The following ANKRD28 variants were observed in gnomAD, a reference collection of about 807,000 sequenced individuals.
ANKRD28 encodes serine/threonine-protein phosphatase 6 regulatory ankyrin repeat subunit A.
ANKRD28 carries 44 observed loss-of-function variants against 126.5 expected under a neutral mutation model. The ratio of observed to expected loss-of-function variants is 0.35; its 90% CI spans 0.27 to 0.45. ANKRD28 has a LOEUF of 0.45. Among genes scored for constraint, ANKRD28 ranks in the 20% least tolerant of loss-of-function variants. ANKRD28 has a pLI of 1.00. For missense variants in ANKRD28, 1,110 were observed against 1,316.6 expected (o/e 0.84, Z 2.43); for synonymous variants, 442 against 468.5 (o/e 0.94, Z 0.73).
chr3:15,781,196 C>A (rs1409508676), intron 2 of ANKRD28, among the ~76,000 whole-genome samples: 1 of 151,774 alleles, frequency 6.6e-6, no homozygotes, highest in Non-Finnish European at 1.5e-5. Flanking sequence ...AAGAAAACAA[C>A]CTGATTAAAA....
intron 1 of ANKRD28, among the ~76,000 whole-genome samples, chr3:15,813,101 G>A (rs11920540): frequency 0.47 from 70,044 of 149,908 alleles, 19,241 homozygotes; most frequent in Non-Finnish European, 0.6. Flanking sequence ...CAATGGCTCA[G>A]GCCTGTAATC....
intron 1 of ANKRD28, among the ~76,000 whole-genome samples, chr3:15,824,865 CAGG>C (rs2061024870): frequency 6.6e-6 from 1 of 152,180 alleles, no homozygotes; most frequent in African/African-American, 2.4e-5. Flanking sequence ...GACCAGGATG[CAGG>C]AGGACAGACT....
intron 27 of ANKRD28, among the ~76,000 whole-genome samples, chr3:15,674,836 C>G (rs2066768580): frequency 6.6e-6 from 1 of 152,048 alleles, no homozygotes; most frequent in Admixed American, 6.5e-5. Context: ...ATCAGTTGTG[C>G]CAAAAGCTGA....
intron 5 of ANKRD28, among the ~76,000 whole-genome samples, chr3:15,735,965 A>C (rs931202873): frequency 6.6e-6 from 1 of 152,212 alleles, no homozygotes; most frequent in African/African-American, 2.4e-5. Context: ...TAATAATTGC[A>C]ACTAACCATA....
rs1325319943 is a variant in ANKRD28, at chr3:15,843,106, G to A, written c.27+16271C>T. Reference sequence around the variant, plus strand: ...CTATACAGGAATCATAGTGGTATCTGCTTCCAGGGAGGCCTCAAGAAGCTT... The same window carrying A: ...CTATACAGGAATCATAGTGGTATCTACTTCCAGGGAGGCCTCAAGAAGCTT... On this transcript the variant is annotated intron_variant, in intron 1 of 27. Transcript: ENST00000399451. The surrounding 1 kb of genome is among the most constrained non-coding windows in gnomAD (Gnocchi z 5.2). Among the ~76,000 whole-genome samples the A allele has an allele frequency of 6.6e-6, 1 of 152,186 alleles. No homozygotes were observed. Among genetic ancestry groups the A allele is most frequent in the Non-Finnish European group, 1.5e-5 (1 of 68,038 alleles).
At position 15,814,503 on chromosome 3, in the gene ANKRD28, C is replaced by T. The variant is rs2060792671; in HGVS notation, c.28-19197G>A. Among the ~76,000 whole-genome samples the T allele has an allele frequency of 6.6e-6, 1 of 152,034 alleles. No homozygotes were observed. Among genetic ancestry groups the T allele is most frequent in the African/African-American group, 2.4e-5 (1 of 41,390 alleles). ...AGAAAAAAAATACTAATCTGGGCAA[C>T]AAAACATTTTTTAAAGGCTTTCTTT... On this transcript the variant is annotated intron_variant, in intron 1 of 27. Transcript: ENST00000399451. This position sits in a 1 kb window ranked among gnomAD's most constrained non-coding sequence, Gnocchi z 4.7.
chr3:15,709,407 G>T (rs1192175518), intron 13 of ANKRD28, among the ~76,000 whole-genome samples: 1 of 152,078 alleles, frequency 6.6e-6, no homozygotes, highest in African/African-American at 2.4e-5. Context: ...TTTTTGGAGG[G>T]GGGGAAGTGA....
intron 6 of ANKRD28, among the ~76,000 whole-genome samples, chr3:15,730,953 A>T (rs1274080851): frequency 6.6e-6 from 1 of 152,090 alleles, no homozygotes; most frequent in African/African-American, 2.4e-5. Context: ...CTTAAAAAAG[A>T]TGAGTTTGAC....
chr3:15,749,981 T>C (rs925467393), intron 4 of ANKRD28, among the ~76,000 whole-genome samples: 2 of 152,152 alleles, frequency 1.3e-5, no homozygotes, highest in Non-Finnish European at 2.9e-5. Context: ...GACTGAAGAG[T>C]AGAATTAAGA....
intron 1 of ANKRD28, among the ~76,000 whole-genome samples, chr3:15,809,542 C>T (rs1388666105): frequency 2.6e-5 from 4 of 152,166 alleles, no homozygotes; most frequent in African/African-American, 9.7e-5. Flanking sequence ...GAGAAAAATA[C>T]TCTCTTTTCT....
At chr3:15,756,086 C>A (rs1015943262) in intron 3 of ANKRD28, among the ~76,000 whole-genome samples, 4 of 152,150 alleles carry the variant, frequency 2.6e-5, no homozygotes, top group African/African-American at 9.7e-5. Context: ...CTTTTCTTGT[C>A]CCCCACAAAT....
intron 2 of ANKRD28, among the ~76,000 whole-genome samples, chr3:15,779,037 A>C (rs1332229958): frequency 6.6e-6 from 1 of 152,180 alleles, no homozygotes; most frequent in Admixed American, 6.5e-5. Context: ...AGCCATGCAG[A>C]ACTGTGAGTC....
At chr3:15,798,784 T>C (rs2060386166), upstream of ANKRD28, among the ~76,000 whole-genome samples, 1 of 152,100 alleles carries the variant, frequency 6.6e-6, no homozygotes, top group African/African-American at 2.4e-5. Context: ...TTTTCTTCTT[T>C]CTCTGTTTAC....
intron 27 of ANKRD28, among the ~76,000 whole-genome samples, chr3:15,671,007 A>T (rs1053475891): frequency 6.6e-6 from 1 of 152,238 alleles, no homozygotes; most frequent in Non-Finnish European, 1.5e-5. Flanking sequence ...TGATGCTAAG[A>T]AATCTTAAAT....
At chr3:15,741,211 C>CA (rs1575475781) in intron 4 of ANKRD28, among the ~76,000 whole-genome samples, 1 of 150,794 alleles carries the variant, frequency 6.6e-6, no homozygotes, top group Non-Finnish European at 1.5e-5. Context: ...AAAAAAAAAA[C>CA]AAAAAACAAA....
intron 4 of ANKRD28, among the ~76,000 whole-genome samples, chr3:15,750,245 T>C (rs918189010): frequency 6.6e-6 from 1 of 152,230 alleles, no homozygotes; most frequent in African/African-American, 2.4e-5. Context: ...ACAAAATGCG[T>C]AGGTATGGCT....
intron 2 of ANKRD28, among the ~76,000 whole-genome samples, chr3:15,774,161 C>T (rs1449741289): frequency 6.6e-6 from 1 of 152,152 alleles, no homozygotes; most frequent in Admixed American, 6.5e-5. Context: ...AATCATAGAC[C>T]TATTTCCCAA....
In ANKRD28 at chr3:15,678,466, A is replaced by G; in HGVS notation, c.2562-112T>C. 4 of 950,906 alleles carry G rather than the reference A, an allele frequency of 4.2e-6. No homozygotes were observed. In the South Asian group the frequency reaches 8.3e-5, roughly 20 times the overall value. 58.9% of individuals were successfully genotyped at this position (950,906 alleles called of 1,614,324 possible). A position where few individuals can be genotyped will look rare whatever the true frequency, so the allele number is the denominator to read the frequency against. On this transcript the variant is annotated intron_variant, in intron 23 of 27. Coordinates refer to ENST00000683139, the MANE Select transcript of ANKRD28 (RefSeq NM_001349278.2). ...TTTAAGGGTTTACATATTAGGCTAC[A>G]AAAGCACTGCCTGTACACAAACAAA... is the stretch of plus-strand genomic sequence containing the variant.
intron 3 of ANKRD28, among the ~76,000 whole-genome samples, chr3:15,764,879 C>A (rs1276501074): frequency 6.6e-6 from 1 of 152,070 alleles, no homozygotes; most frequent in Non-Finnish European, 1.5e-5. Context: ...CCATGTTTAA[C>A]CATATTTAAT....
Sources: gnomAD v4.1 joint callset for allele counts (sites outside exome capture counted in the v4.1 genomes callset) on GRCh38, gnomAD v4.1.1 for gene constraint, Gnocchi (gnomAD v3.1) non-coding constraint, MANE v1.5 for transcripts, NCBI Gene and HGNC (gene_info 2026-07-23, HGNC 2026-07-21) for gene names.